The following DLC1 variants were observed in gnomAD, a reference collection of about 807,000 sequenced individuals.
DLC1 encodes the protein rho GTPase-activating protein 7.
A neutral mutation model predicts 140.3 loss-of-function variants in DLC1; 54 were observed. The observed-to-expected ratio is 0.38, with a 90% CI of 0.31 to 0.48. The LOEUF is 0.48. Ranked by LOEUF, DLC1 falls within the 20% of genes least tolerant of loss-of-function variation. The pLI is 0.96. For synonymous variants in DLC1, 986 were observed against 728.1 expected (o/e 1.35, Z -5.70); for missense variants, 2,536 against 1,907.0 (o/e 1.33, Z -6.14).
At chr8:13,264,052 T>TTTA (rs1554484717) in intron 5 of DLC1, among the ~76,000 whole-genome samples, 14 of 143,034 alleles carry the variant, frequency 9.8e-5, no homozygotes, top group African/African-American at 2.1e-4. Flanking sequence ...ATAAGAAGCT[T>TTTA]TTTATTTATT....
chr8:13,301,693 C>G (rs746380854), intron 5 of DLC1, among the ~76,000 whole-genome samples: 15 of 152,192 alleles, frequency 9.9e-5, no homozygotes, highest in Non-Finnish European at 1.6e-4. Flanking sequence ...CAGTACCGGT[C>G]TGTGATCTGT....
At chr8:13,184,114 T>C (rs1826204911) in intron 5 of DLC1, among the ~76,000 whole-genome samples, 1 of 152,248 alleles carries the variant, frequency 6.6e-6, no homozygotes, top group African/African-American at 2.4e-5. Context: ...GAGGTGTTAA[T>C]AGTATTCTCT....
intron 2 of DLC1, among the ~76,000 whole-genome samples, chr8:13,415,561 G>A (rs907971981): frequency 2.0e-5 from 3 of 151,770 alleles, no homozygotes; most frequent in African/African-American, 2.4e-5. Flanking sequence ...CACCACACCC[G>A]GCTAGTTTTT....
At chr8:13,111,744 T>C (rs968953457) in intron 6 of DLC1, among the ~76,000 whole-genome samples, 1 of 151,810 alleles carries the variant, frequency 6.6e-6, no homozygotes, top group Non-Finnish European at 1.5e-5. Flanking sequence ...AGTAGAGTGC[T>C]ACTACAATAC....
chr8:13,547,953 A>C (rs867580875), intron 1 of DLC1, among the ~76,000 whole-genome samples: 6 of 152,142 alleles, frequency 3.9e-5, no homozygotes, highest in African/African-American at 9.6e-5. Context: ...GTTCAAGTTT[A>C]ACACCTTTAA....
At chr8:13,205,829 A>G (rs1827634164) in intron 5 of DLC1, among the ~76,000 whole-genome samples, 1 of 152,212 alleles carries the variant, frequency 6.6e-6, no homozygotes, top group East Asian at 1.9e-4. Context: ...GACTAAAATA[A>G]TACTAATAAG....
Position 13,549,836 on chromosome 8 carries a change from A to T in DLC1, c.-125-49640T>A, listed in dbSNP as rs142659905. Among the ~76,000 whole-genome samples, 257 of 152,260 alleles carry T rather than the reference A, an allele frequency of 1.7e-3. 1 individual carries two copies. Among genetic ancestry groups the T allele is most frequent in the African/African-American group, 5.9e-3 (247 of 41,566 alleles). On this transcript the variant is annotated intron_variant, in intron 1 of 1. Coordinates refer to the DLC1 transcript ENST00000631382. The stretch of plus-strand genomic sequence containing the variant: ...CATGAAAATTCTAGAGCTTAAAGAG[A>T]TGGTCTAGCAACATGTTACCCTTTA...
chr8:13,177,510 A>C (rs1432383763), intron 5 of DLC1, among the ~76,000 whole-genome samples: 1 of 152,184 alleles, frequency 6.6e-6, no homozygotes, highest in Non-Finnish European at 1.5e-5. Context: ...CTTCAATCTT[A>C]CTTCCCTCAC....
chr8:13,307,156 A>G (rs116532102), intron 4 of DLC1, among the ~76,000 whole-genome samples: 40 of 151,364 alleles, frequency 2.6e-4, no homozygotes, highest in African/African-American at 9.7e-4. Flanking sequence ...TACTGAAAGC[A>G]TATTTTGACT....
At chr8:13,196,600 T>C (rs1827075280) in intron 5 of DLC1, among the ~76,000 whole-genome samples, 3 of 152,206 alleles carry the variant, frequency 2.0e-5, no homozygotes, top group African/African-American at 7.2e-5. Flanking sequence ...TCACAGATAC[T>C]CCTTTTACAG....
At chr8:13,563,560 A>G (rs569450745) in intron 1 of DLC1, among the ~76,000 whole-genome samples, 6 of 152,302 alleles carry the variant, frequency 3.9e-5, no homozygotes, top group Admixed American at 2.0e-4. Context: ...GACTTGCTTG[A>G]TTCACAGAAC....
intron 5 of DLC1, among the ~76,000 whole-genome samples, chr8:13,280,888 A>G (rs1182843788): frequency 2.6e-5 from 4 of 152,186 alleles, no homozygotes; most frequent in African/African-American, 9.6e-5. Context: ...TTATAACCCC[A>G]TTGGTTAAGT....
intron 5 of DLC1, among the ~76,000 whole-genome samples, chr8:13,202,028 C>G (rs566724584): frequency 6.6e-6 from 1 of 151,294 alleles, no homozygotes; most frequent in South Asian, 2.1e-4. Context: ...TCACTGCAAC[C>G]TCTGCCTCCC....
intron 5 of DLC1, among the ~76,000 whole-genome samples, chr8:13,219,435 T>C (rs1828434646): frequency 2.3e-5 from 1 of 43,940 alleles, no homozygotes; most frequent in Non-Finnish European, 4.4e-5. Flanking sequence ...TATATAATTA[T>C]AATTTATAAA....
intron 5 of DLC1, among the ~76,000 whole-genome samples, chr8:13,225,461 T>A (rs887836352): frequency 2.0e-5 from 3 of 152,126 alleles, no homozygotes; most frequent in African/African-American, 4.8e-5. Flanking sequence ...ACCTCACAGC[T>A]GGTTAGAAGG....
At chr8:13,368,013 T>C (rs1835568625) in intron 4 of DLC1, among the ~76,000 whole-genome samples, 1 of 152,100 alleles carries the variant, frequency 6.6e-6, no homozygotes, top group South Asian at 2.1e-4. Flanking sequence ...CTGGGAATGG[T>C]TTCTGGAATG....
At position 13,085,682 on chromosome 8, in the gene DLC1, T is replaced by G. The variant is rs902717516; in HGVS notation, c.*129A>C. 65 of 1,405,480 alleles carry G rather than the reference T, an allele frequency of 4.6e-5. No homozygotes were observed. The highest frequency in any genetic ancestry group is 2.0e-4 in the Middle Eastern group (1 of 5,086). The allele number at this position is 1,405,480 out of a possible 1,614,324, so 87.1% of individuals were successfully genotyped here. Reference sequence around the variant, plus strand: ...TTAAAAATGTATCAAATTGCTATAGTCAATTCCTACACTCCAGCTTGTAGT... The same window carrying G: ...TTAAAAATGTATCAAATTGCTATAGGCAATTCCTACACTCCAGCTTGTAGT... On this transcript the variant is annotated 3_prime_UTR_variant, in exon 18 of 18. Transcript: ENST00000276297.
chr8:13,594,995 G>C (rs1805637359), intron 1 of DLC1, among the ~76,000 whole-genome samples: 1 of 150,826 alleles, frequency 6.6e-6, no homozygotes, highest in Non-Finnish European at 1.5e-5. Flanking sequence ...ATATATTTCT[G>C]TATAGACTTC....
At chr8:13,249,099 A>T (rs1829893123) in intron 5 of DLC1, among the ~76,000 whole-genome samples, 4 of 151,816 alleles carry the variant, frequency 2.6e-5, no homozygotes, top group African/African-American at 9.6e-5. Flanking sequence ...CCTTTGAGAC[A>T]AAGTCTCGCT....
Sources: allele counts gnomAD v4.1 joint callset (sites outside exome capture counted in the v4.1 genomes callset), GRCh38; gene constraint gnomAD v4.1.1; transcripts MANE v1.5; gene names NCBI Gene and HGNC (gene_info 2026-07-23, HGNC 2026-07-21).